The following MINDY4 variants were observed in gnomAD, a reference collection of about 807,000 sequenced individuals.
MINDY4 encodes the protein probable ubiquitin carboxyl-terminal hydrolase MINDY-4.
MINDY4 carries 68 observed loss-of-function variants against 87.0 expected under a neutral mutation model. The ratio of observed to expected loss-of-function variants is 0.78; its 90% CI spans 0.64 to 0.96. MINDY4 has a LOEUF of 0.96. MINDY4 is among the 40% of genes least tolerant of loss of function. The pLI is 0.00. For missense variants in MINDY4, 919 were observed against 928.2 expected, an observed-to-expected ratio of 0.99 and a Z score of 0.13; for synonymous variants, 379 against 363.2, an observed-to-expected ratio of 1.04 and a Z score of -0.50.
chr7:30,792,345 G>C (rs958235560), intron 5 of MINDY4, among the ~76,000 whole-genome samples: 4 of 152,086 alleles, frequency 2.6e-5, no homozygotes, highest in Non-Finnish European at 4.4e-5. Context: ...TTGGCTGGCA[G>C]ATTTCCTTTC....
chr7:30,808,821 C>A (rs1787894807), intron 5 of MINDY4, among the ~76,000 whole-genome samples: 1 of 151,956 alleles, frequency 6.6e-6, no homozygotes, highest in South Asian at 2.1e-4. Context: ...CGTCGGCCCT[C>A]CCCACCCCGC....
At chr7:30,813,645 C>A (rs1788071024) in intron 5 of MINDY4, among the ~76,000 whole-genome samples, 1 of 152,208 alleles carries the variant, frequency 6.6e-6, no homozygotes, top group Non-Finnish European at 1.5e-5. Flanking sequence ...AGGAGAGGCA[C>A]AGGGGGCTGG....
intron 13 of MINDY4, among the ~76,000 whole-genome samples, chr7:30,867,144 A>G: frequency 6.6e-6 from 1 of 152,162 alleles, no homozygotes; most frequent in Admixed American, 6.5e-5. Flanking sequence ...CACGCAGTGC[A>G]GGTGGCAGAA....
chr7:30,792,585 G>C (rs1464265140), intron 5 of MINDY4, among the ~76,000 whole-genome samples: 1 of 152,138 alleles, frequency 6.6e-6, no homozygotes, highest in Non-Finnish European at 1.5e-5. Flanking sequence ...GTTTTGGCAA[G>C]TTGTATTTTT....
chr7:30,803,032 A>G (rs572507316), intron 5 of MINDY4: 21 of 152,340 alleles, frequency 1.4e-4, no homozygotes, highest in African/African-American at 4.8e-4. Context: ...CATCCAACCA[A>G]CTAACCAACC....
chr7:30,778,362 G>C lies in MINDY4; in HGVS notation c.64-70G>C. On this transcript the variant is annotated intron_variant, in intron 1 of 17. Transcript: ENST00000265299. ...TCTTGGTGAACATCAGGAATCGTTTGCTTGTGCTTTATGAGAACAGCGGGT... is the reference window on the plus strand; with the variant it reads ...TCTTGGTGAACATCAGGAATCGTTTCCTTGTGCTTTATGAGAACAGCGGGT... 14 of 1,601,716 alleles carry C rather than the reference G, an allele frequency of 8.7e-6. 1 individual carries two copies. The South Asian group carries it at 1.5e-4, about 18-fold the overall frequency.
At chr7:30,811,299 T>C (rs1057298771) in intron 5 of MINDY4, among the ~76,000 whole-genome samples, 15 of 152,228 alleles carry the variant, frequency 9.9e-5, no homozygotes, top group African/African-American at 3.1e-4. Context: ...ACTCTTGTAA[T>C]AGGAGTTATA....
chr7:30,794,645 TTTTG>T (rs1184392786), intron 5 of MINDY4, among the ~76,000 whole-genome samples: 1 of 152,132 alleles, frequency 6.6e-6, no homozygotes, highest in Non-Finnish European at 1.5e-5. Context: ...CTGGTTTATT[TTTTG>T]TTTTTCTTCT....
chr7:30,847,596 T>G (rs904480815), intron 9 of MINDY4, among the ~76,000 whole-genome samples: 5 of 152,230 alleles, frequency 3.3e-5, no homozygotes, highest in African/African-American at 1.2e-4. Flanking sequence ...TTTCCCCATT[T>G]TACAAAGAGG....
intron 11 of MINDY4, 76 bp downstream of exon 11, chr7:30,852,355 T>C: frequency 6.2e-7 from 1 of 1,604,784 alleles, no homozygotes; most frequent in South Asian, 1.1e-5. Flanking sequence ...AAGTAAATCC[T>C]TCCTCAGCTG....
chr7:30,847,465 A>G lies in MINDY4; in HGVS notation c.1446-2989A>G, dbSNP rs1336870089. On this transcript the variant is annotated intron_variant, in intron 9 of 17. Coordinates refer to ENST00000265299, the MANE Select transcript of MINDY4 (RefSeq NM_032222.3). ...AAGGCAAAGGAGGCTGGTTCCTGAA[A>G]CCAGGTGCCCACGGCAGTTGGTTCT... Among the ~76,000 whole-genome samples the G allele has an allele frequency of 1.3e-5, 2 of 152,152 alleles. 1 individual carries two copies. Among genetic ancestry groups the G allele is most frequent in the Middle Eastern group, 6.3e-3 (2 of 316 alleles).
At chr7:30,793,138 A>T (rs550584004) in intron 5 of MINDY4, among the ~76,000 whole-genome samples, 1,949 of 97,008 alleles carry the variant, frequency 0.02, 31 homozygotes, top group Admixed American at 0.027. Context: ...TTATATATAT[A>T]TTATATATAT....
At position 30,892,253 on chromosome 7, in the gene MINDY4, G is replaced by T; in HGVS notation, c.*248G>T. On this transcript the variant is annotated 3_prime_UTR_variant, in exon 18 of 18. Transcript: ENST00000265299. Reference sequence around the variant, plus strand: ...GCTGAGTACTGGAAGGAGGTTGCCAGGGTCTCTGCTACCTTTGTCTGCATC... The same window carrying T: ...GCTGAGTACTGGAAGGAGGTTGCCATGGTCTCTGCTACCTTTGTCTGCATC... The T allele has an allele frequency of 1.9e-6, 1 of 514,608 alleles. No individual in the cohort carries two copies. The highest frequency in any genetic ancestry group is 3.5e-6 in the Non-Finnish European group (1 of 288,910). The allele number at this position is 514,608 out of a possible 1,614,324, so 31.9% of individuals were successfully genotyped here. A position where few individuals can be genotyped will look rare whatever the true frequency, so the allele number is the denominator to read the frequency against.
intron 17 of MINDY4, among the ~76,000 whole-genome samples, chr7:30,885,709 C>CG (rs1434690046): frequency 6.7e-6 from 1 of 149,278 alleles, no homozygotes; most frequent in African/African-American, 2.5e-5. Context: ...AGTGCCCACC[C>CG]CCCCCCCAAC....
chr7:30,796,918 G>C (rs1787508048), intron 5 of MINDY4: 1 of 149,242 alleles, frequency 6.7e-6, no homozygotes, highest in African/African-American at 2.5e-5. Context: ...AAAAGACCCT[G>C]TCAATTCACA....
At chr7:30,811,432 C>T (rs1787994763) in intron 5 of MINDY4, among the ~76,000 whole-genome samples, 1 of 152,180 alleles carries the variant, frequency 6.6e-6, no homozygotes, top group Admixed American at 6.5e-5. Flanking sequence ...ATATCAGTCA[C>T]TACCGATCTG....
At chr7:30,790,719 A>G (rs1018859904) in intron 4 of MINDY4, among the ~76,000 whole-genome samples, 1 of 152,172 alleles carries the variant, frequency 6.6e-6, no homozygotes, top group Non-Finnish European at 1.5e-5. Flanking sequence ...TGCTAGGATT[A>G]CAGGCATGAG....
At chr7:30,773,908 T>G (rs1461534456) in intron 1 of MINDY4, among the ~76,000 whole-genome samples, 1 of 152,156 alleles carries the variant, frequency 6.6e-6, no homozygotes, top group Non-Finnish European at 1.5e-5. Context: ...ATCCTTATAA[T>G]TGCACCCTCC....
intron 5 of MINDY4, among the ~76,000 whole-genome samples, chr7:30,826,462 A>G (rs796649574): frequency 7.2e-5 from 11 of 152,324 alleles, no homozygotes; most frequent in African/African-American, 2.4e-4. Context: ...TTTGTTTGCC[A>G]GAGTATTCTA....
Sources: gnomAD v4.1 joint callset for allele counts (sites outside exome capture counted in the v4.1 genomes callset) on GRCh38, gnomAD v4.1.1 for gene constraint, MANE v1.5 for transcripts, NCBI Gene and HGNC (gene_info 2026-07-23, HGNC 2026-07-21) for gene names.